Variants in CHRM2 observed in about 807,000 individuals in gnomAD.
The protein encoded by CHRM2 is muscarinic acetylcholine receptor M2.
Under a neutral mutation model 25.0 loss-of-function variants are expected in CHRM2, and 8 were observed. That is an observed-to-expected ratio of 0.32 (90% CI 0.19 to 0.58). The LOEUF is 0.58. Among genes scored for constraint, CHRM2 ranks in the 20% least tolerant of loss-of-function variants. The pLI is 0.88. For synonymous variants in CHRM2, 202 were observed against 205.7 expected (o/e 0.98, Z 0.15); for missense variants, 440 against 567.1 (o/e 0.78, Z 2.28).
intron 2 of CHRM2, among the ~76,000 whole-genome samples, chr7:136,953,626 A>G (rs62485257): frequency 0.24 from 36,493 of 152,046 alleles, 5,748 homozygotes; most frequent in Non-Finnish European, 0.34. Flanking sequence ...GATGAAAAAG[A>G]TGGATGTGAC....
intron 3 of CHRM2, among the ~76,000 whole-genome samples, chr7:137,006,213 T>G (rs528266006): frequency 6.6e-6 from 1 of 152,272 alleles, no homozygotes; most frequent in East Asian, 1.9e-4. Context: ...GTCTAAGGGT[T>G]GGGTATTTTC....
At chr7:136,925,370 C>T (rs1009471181) in intron 2 of CHRM2, among the ~76,000 whole-genome samples, 1 of 151,888 alleles carries the variant, frequency 6.6e-6, no homozygotes, top group Non-Finnish European at 1.5e-5. Flanking sequence ...TGTTATCAAC[C>T]CCATATTTCT....
intron 2 of CHRM2, among the ~76,000 whole-genome samples, chr7:136,917,250 C>T (rs1262143990): frequency 3.3e-5 from 5 of 151,712 alleles, no homozygotes; most frequent in Admixed American, 6.6e-5. Flanking sequence ...TCCCCTTTCT[C>T]CTCTCTTCCT....
At chr7:136,894,624 G>A (rs566337950) in intron 2 of CHRM2, among the ~76,000 whole-genome samples, 10 of 152,142 alleles carry the variant, frequency 6.6e-5, no homozygotes, top group Admixed American at 4.6e-4. Flanking sequence ...CACCCGCCTC[G>A]GCCTCCCAAA....
Position 137,019,688 on chromosome 7 carries a change from T to C in CHRM2, c.*3422T>C, listed in dbSNP as rs1437531704. On this transcript the variant is annotated 3_prime_UTR_variant, in exon 4 of 4. Coordinates refer to ENST00000680005, the MANE Select transcript of CHRM2 (RefSeq NM_001006630.2). ...TCGAAACAAGAAATGATTTTCCTTT[T>C]ACCAGTTCATCATTAATTTAACGCC... The C allele has an allele frequency of 6.6e-6, 1 of 151,912 alleles. No individual in the cohort carries two copies. Among genetic ancestry groups the C allele is most frequent in the Non-Finnish European group, 1.5e-5 (1 of 67,904 alleles). 9.4% of individuals were successfully genotyped at this position (151,912 alleles called of 1,614,324 possible). A position where few individuals can be genotyped will look rare whatever the true frequency, so the allele number is the denominator to read the frequency against.
chr7:136,890,957 T>TG (rs1475766071), intron 2 of CHRM2, among the ~76,000 whole-genome samples: 1 of 152,210 alleles, frequency 6.6e-6, no homozygotes, highest in Admixed American at 6.6e-5. Context: ...ATCCCTACTG[T>TG]GTCTCCTTTC....
In CHRM2 at chr7:137,015,762, T is replaced by G. The variant is rs748527931; in HGVS notation, c.897T>G (p.Asp299Glu). Reference protein sequence around the residue: ...VSAVASNMRDDEITQDENTVS... With the variant: ...VSAVASNMRDEEITQDENTVS... ...CTGTTGCCTCTAATATGAGAGATGA[T>G]GAAATAACCCAGGATGAAAACACAG... is the stretch of plus-strand genomic sequence containing the variant. Residue 299 changes from aspartate (D) to glutamate (E), a missense_variant, in exon 4 of 4, where the codon GAT (aspartate) becomes GAG (glutamate). Asp to Glu is a conservative substitution (Grantham distance 45). Coordinates refer to ENST00000680005, the MANE Select transcript of CHRM2 (RefSeq NM_001006630.2). The surrounding 1 kb of genome is among the most constrained non-coding windows in gnomAD (Gnocchi z 5.1). 6.2e-7 allele frequency: 1 copy of G among 1,613,086 alleles called. No individual in the cohort carries two copies. Among genetic ancestry groups the G allele is most frequent in the Non-Finnish European group, 8.5e-7 (1 of 1,179,506 alleles).
At chr7:136,917,040 T>A (rs1798158377) in intron 2 of CHRM2, among the ~76,000 whole-genome samples, 3 of 152,058 alleles carry the variant, frequency 2.0e-5, no homozygotes, top group Admixed American at 2.0e-4. Context: ...TTCTAATATA[T>A]GCCTTTATTT....
chr7:136,989,717 C>T (rs1037664495), intron 2 of CHRM2, among the ~76,000 whole-genome samples: 4 of 152,124 alleles, frequency 2.6e-5, no homozygotes, highest in African/African-American at 4.8e-5. Context: ...TGGATCATTG[C>T]GTGACTTAGG....
At position 137,017,093 on chromosome 7, in the gene CHRM2, T is replaced by C. The variant is rs1038657816; in HGVS notation, c.*827T>C. On this transcript the variant is annotated 3_prime_UTR_variant, in exon 4 of 4. Transcript: ENST00000680005. ...AGGATTTAGTGCACTTATAATCCTA[T>C]ATGCGAAATGTTTAAACCAATCTGA... 6.5e-6 allele frequency: 1 copy of C among 154,850 alleles called. No homozygotes were observed. The highest frequency in any genetic ancestry group is 2.4e-5 in the African/African-American group (1 of 41,546). 9.6% of individuals were successfully genotyped at this position (154,850 alleles called of 1,614,324 possible). A position where few individuals can be genotyped will look rare whatever the true frequency, so the allele number is the denominator to read the frequency against.
chr7:136,946,385 T>C (rs567673567), intron 2 of CHRM2, among the ~76,000 whole-genome samples: 7 of 152,310 alleles, frequency 4.6e-5, no homozygotes, highest in African/African-American at 1.2e-4. Context: ...GGAGATACAA[T>C]GATACATAAA....
At chr7:136,885,995 G>A (rs940527601) in intron 2 of CHRM2, among the ~76,000 whole-genome samples, 1 of 152,096 alleles carries the variant, frequency 6.6e-6, no homozygotes, top group Non-Finnish European at 1.5e-5. Flanking sequence ...CATAGATTAG[G>A]CCAGACTATG....
intron 2 of CHRM2, among the ~76,000 whole-genome samples, chr7:136,896,293 A>C (rs558065587): frequency 1.3e-5 from 2 of 152,300 alleles, no homozygotes; most frequent in Non-Finnish European, 2.9e-5. Flanking sequence ...TTACAAAGAA[A>C]AGCCCTGTCC....
intron 2 of CHRM2, among the ~76,000 whole-genome samples, chr7:136,937,093 AG>A (rs1267702276): frequency 1.3e-5 from 2 of 152,202 alleles, no homozygotes; most frequent in Non-Finnish European, 2.9e-5. Flanking sequence ...GAGTGTCTCT[AG>A]CCCCAAAGAC....
intron 3 of CHRM2, among the ~76,000 whole-genome samples, chr7:137,001,409 C>T (rs186111052): frequency 2.0e-5 from 3 of 152,188 alleles, no homozygotes; most frequent in Admixed American, 1.3e-4. Flanking sequence ...GAGCCAGAGG[C>T]AAGCTGTTCA....
Position 136,916,263 on chromosome 7 carries a change from C to T in CHRM2, c.-125+46845C>T, listed in dbSNP as rs1053930020. Among the ~76,000 whole-genome samples the T allele has an allele frequency of 5.9e-5, 9 of 151,932 alleles. No homozygotes were observed. In the East Asian group the frequency reaches 1.7e-3, roughly 30 times the overall value. On this transcript the variant is annotated intron_variant, in intron 2 of 3. Transcript: ENST00000680005. ...CAGCATAACTAAAATCAAATCTTGT[C>T]TTAGAAATAAGAAAAACTCAACATA...
In CHRM2 at chr7:137,015,628, C is replaced by G. The variant is rs771145348; in HGVS notation, c.763C>G (p.Leu255Val). The G allele has an allele frequency of 6.2e-7, 1 of 1,612,904 alleles. No individual in the cohort carries two copies. Among genetic ancestry groups the G allele is most frequent in the Non-Finnish European group, 8.5e-7 (1 of 1,179,494 alleles). Residue 255 changes from leucine (L) to valine (V), a missense_variant, in exon 4 of 4, where the codon CTG (leucine) becomes GTG (valine). Physicochemically the swap from Leu to Val is conservative, Grantham distance 32. Coordinates refer to ENST00000680005, the MANE Select transcript of CHRM2 (RefSeq NM_001006630.2). This position sits in a 1 kb window ranked among gnomAD's most constrained non-coding sequence, Gnocchi z 5.1. ...CAACATGCCCAGCAGTGACGATGGC[C>G]TGGAGCACAACAAAATCCAGAATGG... ...NNNMPSSDDG[L>V]EHNKIQNGKA...
Position 136,973,634 on chromosome 7 carries a change from C to T in CHRM2, c.-124-18553C>T, listed in dbSNP as rs191003144. Among the ~76,000 whole-genome samples the T allele has an allele frequency of 1.1e-3, 18 of 17,080 alleles. 1 individual carries two copies. The highest frequency in any genetic ancestry group is 2.1e-3 in the African/African-American group (14 of 6,708). 11.2% of individuals were successfully genotyped at this position (17,080 alleles called of 152,430 possible). A position where few individuals can be genotyped will look rare whatever the true frequency, so the allele number is the denominator to read the frequency against. On this transcript the variant is annotated intron_variant, in intron 2 of 3. Coordinates refer to ENST00000680005, the MANE Select transcript of CHRM2 (RefSeq NM_001006630.2). ...TGTTAGGGATGGTGGTAGGTGATGA[C>T]GGTGACGGTGTTAGGGATGGTGGTA...
intron 3 of CHRM2, among the ~76,000 whole-genome samples, chr7:136,995,765 CTAAA>C (rs766025175): frequency 9.2e-5 from 14 of 151,368 alleles, no homozygotes; most frequent in Middle Eastern, 6.9e-3. Context: ...GAACCTGTCT[CTAAA>C]TAAATAAATA....
Sources: gnomAD v4.1 joint callset for allele counts (sites outside exome capture counted in the v4.1 genomes callset) on GRCh38, gnomAD v4.1.1 for gene constraint, Gnocchi (gnomAD v3.1) non-coding constraint, MANE v1.5 for transcripts, NCBI Gene and HGNC (gene_info 2026-07-23, HGNC 2026-07-21) for gene names.